UBAP2: variants seen among roughly 807,000 people sequenced by gnomAD.
UBAP2 encodes the protein ubiquitin associated protein 2, also known as ubiquitin-associated protein 2.
In UBAP2, 75 loss-of-function variants were observed where a neutral mutation model predicts 139.6. That is an observed-to-expected ratio of 0.54 (90% CI 0.45 to 0.65). The LOEUF is 0.65. Among genes scored for constraint, UBAP2 ranks in the 30% least tolerant of loss-of-function variants. UBAP2 has a pLI of 0.00. For synonymous variants in UBAP2, 526 were observed against 526.2 expected (o/e 1.00, Z 0.01); for missense variants, 1,368 against 1,369.6 (o/e 1.00, Z 0.02).
rs866222657 is a variant in UBAP2 at position 34,007,761 on chromosome 9, C to T, written c.100-8897G>A. Among the ~76,000 whole-genome samples the T allele has an allele frequency of 1.4e-4, 21 of 151,754 alleles. No homozygotes were observed. The South Asian group carries it at 4.4e-3, about 32-fold the overall frequency. On this transcript the variant is annotated intron_variant, in intron 2 of 28. Coordinates refer to ENST00000379238, the MANE Select transcript of UBAP2 (RefSeq NM_001370062.2). The stretch of plus-strand genomic sequence containing the variant: ...TCACGCCATTCTCCTGCCTCAGCCT[C>T]CCGAGTAGCTGGGACTACAGGCACC...
rs772055131 is a variant in UBAP2, at chr9:33,949,191, A to AAT, written c.1057-605_1057-604insAT. Among the ~76,000 whole-genome samples, 142 of 150,694 alleles carry AAT rather than the reference A, an allele frequency of 9.4e-4. 2 individuals carry two copies. In the Middle Eastern group the frequency reaches 0.017, roughly 18 times the overall value. On this transcript the variant is annotated intron_variant, in intron 12 of 28. Coordinates refer to ENST00000379238, the MANE Select transcript of UBAP2 (RefSeq NM_001370062.2). ...CAAAAAATAAATAAATAAATAAATAAAAATAAAATAAAATAATAAAAAGTG... is the reference window on the plus strand; with the variant it reads ...CAAAAAATAAATAAATAAATAAATAAATAAATAAAATAAAATAATAAAAAGTG...
At chr9:33,970,865 C>T (rs1158955212) in intron 8 of UBAP2, among the ~76,000 whole-genome samples, 2 of 152,208 alleles carry the variant, frequency 1.3e-5, no homozygotes, top group East Asian at 1.9e-4. Context: ...TGCAATGGCA[C>T]GATCTCGGCT....
In UBAP2 at chr9:34,048,853, C is replaced by CGCT. The variant is rs2051726764; in HGVS notation, c.-73_-71dup. Reference sequence around the variant, plus strand: ...TGCTGCTCTCGGAGGACCCAAGACCCGCTGCCGCCGCCGCCGCTCGTTACC... The same window carrying CGCT: ...TGCTGCTCTCGGAGGACCCAAGACCCGCTGCTGCCGCCGCCGCCGCTCGTTACC... On this transcript the variant is annotated 5_prime_UTR_variant, in exon 1 of 29. Coordinates refer to ENST00000379238, the MANE Select transcript of UBAP2 (RefSeq NM_001370062.2). 6.6e-6 allele frequency: 1 copy of CGCT among 152,358 alleles called. No individual in the cohort carries two copies. The highest frequency in any genetic ancestry group is 1.5e-5 in the Non-Finnish European group (1 of 68,214). 9.4% of individuals were successfully genotyped at this position (152,358 alleles called of 1,614,324 possible). A position where few individuals can be genotyped will look rare whatever the true frequency, so the allele number is the denominator to read the frequency against.
intron 11 of UBAP2, 118 bp from the exon 12 acceptor site, chr9:33,953,592 T>A: frequency 9.1e-7 from 1 of 1,096,284 alleles, no homozygotes; most frequent in Non-Finnish European, 1.3e-6. Flanking sequence ...GGAGAACCTT[T>A]GGAAAATGGG....
chr9:34,041,831 C>G (rs1827121499), intron 1 of UBAP2, among the ~76,000 whole-genome samples: 1 of 152,100 alleles, frequency 6.6e-6, no homozygotes, highest in African/African-American at 2.4e-5. Context: ...CGAGACCAGC[C>G]TGGCTAACAC....
chr9:33,935,860 G>A lies in UBAP2; in HGVS notation c.1948C>T (p.Arg650Ter), dbSNP rs1407980677. Residue 650 changes from arginine to a stop codon, truncating the protein, a stop_gained, in exon 17 of 29, where the codon CGA becomes TGA. Transcript: ENST00000379238. LOFTEE classifies it high-confidence loss of function. ...TTACTGTCTAGTGTCTGCTGACTTCGACCACCACCATGTCCATTCTATAAG... is the reference window on the plus strand; with the variant it reads ...TTACTGTCTAGTGTCTGCTGACTTCAACCACCACCATGTCCATTCTATAAG... Reference protein sequence around the residue: ...GTIMNGHGGGRSQQTLDTPKT... With the variant: ...GTIMNGHGGG 7 of 1,613,470 alleles carry A rather than the reference G, an allele frequency of 4.3e-6. No homozygotes were observed. The highest frequency in any genetic ancestry group is 5.9e-6 in the Non-Finnish European group (7 of 1,179,912).
At chr9:33,983,354 T>G (rs547215185) in intron 6 of UBAP2, among the ~76,000 whole-genome samples, 1 of 152,152 alleles carries the variant, frequency 6.6e-6, no homozygotes, top group Admixed American at 6.6e-5. Context: ...ATTTCAGTCA[T>G]GAAGATTTGA....
intron 1 of UBAP2, among the ~76,000 whole-genome samples, chr9:34,035,514 A>ATATAT (rs1554692767): frequency 4.4e-5 from 1 of 22,472 alleles, no homozygotes; most frequent in African/African-American, 1.3e-4. Context: ...AAAAAAAAAA[A>ATATAT]ATATATATAT....
At chr9:34,007,449 T>C (rs1032328274) in intron 2 of UBAP2, among the ~76,000 whole-genome samples, 2 of 151,794 alleles carry the variant, frequency 1.3e-5, no homozygotes, top group African/African-American at 4.8e-5. Context: ...GTGAGCCATG[T>C]TCGCATCATT....
chr9:33,928,311 C>T (rs1587505753), intron 19 of UBAP2: 2 of 306,164 alleles, frequency 6.5e-6, no homozygotes, highest in South Asian at 1.6e-4. Flanking sequence ...GCATAGAAAT[C>T]CCAAGATAAC....
At chr9:33,975,569 C>T (rs1283065306) in intron 6 of UBAP2, among the ~76,000 whole-genome samples, 4 of 151,520 alleles carry the variant, frequency 2.6e-5, no homozygotes, top group African/African-American at 7.3e-5. Flanking sequence ...GAGGCCGAGA[C>T]GGACGGATCA....
chr9:33,998,979 A>G lies in UBAP2; in HGVS notation c.100-115T>C, dbSNP rs115012892. 1.6e-3 allele frequency: 1,241 copies of G among 765,236 alleles called. 14 individuals are homozygous for G. The African/African-American group carries it at 0.018, about 11-fold the overall frequency. The allele number at this position is 765,236 out of a possible 1,614,324, so 47.4% of individuals were successfully genotyped here. A position where few individuals can be genotyped will look rare whatever the true frequency, so the allele number is the denominator to read the frequency against. On this transcript the variant is annotated intron_variant, in intron 2 of 28. Coordinates refer to ENST00000379238, the MANE Select transcript of UBAP2 (RefSeq NM_001370062.2). ...CACTAGAAATACTAAGTAACAACAAATAAAAGACAGTGAATTTAGGCCTCT... is the reference window on the plus strand; with the variant it reads ...CACTAGAAATACTAAGTAACAACAAGTAAAAGACAGTGAATTTAGGCCTCT...
chr9:34,038,928 C>T (rs1298069978), intron 1 of UBAP2, among the ~76,000 whole-genome samples: 1 of 127,826 alleles, frequency 7.8e-6, no homozygotes, highest in Non-Finnish European at 1.9e-5. Flanking sequence ...GCCTCTGCCC[C>T]GCCACCCCAT....
chr9:34,012,004 TCTA>T (rs1823792159), intron 2 of UBAP2, among the ~76,000 whole-genome samples: 1 of 148,036 alleles, frequency 6.8e-6, no homozygotes, highest in African/African-American at 2.5e-5. Flanking sequence ...ACATTAACAG[TCTA>T]CTAAGCCTGT....
chr9:34,013,583 T>A (rs1226480873), intron 2 of UBAP2, among the ~76,000 whole-genome samples: 1 of 151,688 alleles, frequency 6.6e-6, no homozygotes, highest in African/African-American at 2.4e-5. Flanking sequence ...ATTGAGTAAT[T>A]AACATCTTAC....
chr9:34,014,457 T>C (rs1353591073), intron 2 of UBAP2, among the ~76,000 whole-genome samples: 3 of 151,200 alleles, frequency 2.0e-5, no homozygotes, highest in African/African-American at 4.9e-5. Flanking sequence ...GGTGAAACCC[T>C]GTCTCTACTA....
At chr9:34,026,432 A>G (rs771544535) in intron 1 of UBAP2, among the ~76,000 whole-genome samples, 1 of 152,210 alleles carries the variant, frequency 6.6e-6, no homozygotes, top group Non-Finnish European at 1.5e-5. Context: ...TAAGGGTTCA[A>G]CTACTAAAAA....
chr9:33,935,608 G>A (rs1289030389), intron 17 of UBAP2: 7 of 581,112 alleles, frequency 1.2e-5, no homozygotes, highest in African/African-American at 1.9e-5. Context: ...CACTTGTGGT[G>A]CAGTCTGATT....
rs1297314482 is a variant in UBAP2, at chr9:33,988,957, G to C, written c.442+16C>G. On this transcript the variant is annotated intron_variant, in intron 5 of 28. Coordinates refer to ENST00000379238, the MANE Select transcript of UBAP2 (RefSeq NM_001370062.2). The stretch of plus-strand genomic sequence containing the variant: ...ATGAAAGAAGAGAAAAAACTGAGGA[G>C]AAAGTCTGTACTTACATTCTCTGCC... The C allele has an allele frequency of 1.9e-6, 3 of 1,594,474 alleles. No individual in the cohort carries two copies. The highest frequency in any genetic ancestry group is 2.3e-5 in the East Asian group (1 of 43,982).
Sources: allele counts gnomAD v4.1 joint callset (sites outside exome capture counted in the v4.1 genomes callset), GRCh38; gene constraint gnomAD v4.1.1; transcripts MANE v1.5; gene names NCBI Gene and HGNC (gene_info 2026-07-23, HGNC 2026-07-21).